PAPSS1: variants seen among roughly 807,000 people sequenced by gnomAD.
PAPSS1 encodes the protein bifunctional 3'-phosphoadenosine 5'-phosphosulfate synthase 1.
A neutral mutation model predicts 72.0 loss-of-function variants in PAPSS1; 50 were observed. That is an observed-to-expected ratio of 0.69 (90% CI 0.55 to 0.88). The LOEUF is 0.88. Among genes scored for constraint, PAPSS1 ranks in the 40% least tolerant of loss-of-function variants. The probability of loss-of-function intolerance (pLI) is 0.00; values close to 1 mark genes in which losing one functional copy is unlikely to be tolerated. For missense variants in PAPSS1, 657 were observed against 782.2 expected, an observed-to-expected ratio of 0.84 and a Z score of 1.91; for synonymous variants, 261 against 263.6, an observed-to-expected ratio of 0.99 and a Z score of 0.09.
At chr4:107,691,734 C>T (rs993928643) in intron 3 of PAPSS1, among the ~76,000 whole-genome samples, 5 of 152,038 alleles carry the variant, frequency 3.3e-5, no homozygotes, top group Admixed American at 6.6e-5. Context: ...TCCTTGTGTC[C>T]CCACTAGGAG....
intron 5 of PAPSS1, among the ~76,000 whole-genome samples, chr4:107,676,228 A>G (rs1727645935): frequency 6.6e-6 from 1 of 152,142 alleles, no homozygotes; most frequent in South Asian, 2.1e-4. Context: ...CAATTAGGAA[A>G]AGAGGAAGTC....
intron 9 of PAPSS1, among the ~76,000 whole-genome samples, chr4:107,651,947 A>T (rs1013736849): frequency 3.3e-5 from 5 of 152,188 alleles, no homozygotes; most frequent in Admixed American, 6.5e-5. Context: ...CCCCACAAAC[A>T]CAACTGCTAG....
chr4:107,708,778 G>C (rs1723410667), intron 1 of PAPSS1, among the ~76,000 whole-genome samples: 1 of 152,124 alleles, frequency 6.6e-6, no homozygotes, highest in Non-Finnish European at 1.5e-5. Flanking sequence ...ATGTATGTTT[G>C]ATATTGTTAA....
intron 3 of PAPSS1, among the ~76,000 whole-genome samples, chr4:107,688,893 G>A (rs1028567265): frequency 6.6e-6 from 1 of 152,106 alleles, no homozygotes; most frequent in Non-Finnish European, 1.5e-5. Flanking sequence ...TTTCTCTCAA[G>A]TTTACATTCT....
chr4:107,674,857 C>T (rs1176603397), intron 5 of PAPSS1, among the ~76,000 whole-genome samples: 1 of 152,088 alleles, frequency 6.6e-6, no homozygotes, highest in Non-Finnish European at 1.5e-5. Flanking sequence ...TGCAATCAAA[C>T]TAGAACTCAG....
intron 11 of PAPSS1, among the ~76,000 whole-genome samples, chr4:107,618,318 A>G (rs1051993162): frequency 6.6e-6 from 1 of 152,154 alleles, no homozygotes; most frequent in Non-Finnish European, 1.5e-5. Context: ...ATAGATGATA[A>G]AAGAAAGAGA....
At chr4:107,640,622 C>T (rs147031872) in intron 10 of PAPSS1, among the ~76,000 whole-genome samples, 35 of 152,198 alleles carry the variant, frequency 2.3e-4, no homozygotes, top group Non-Finnish European at 1.3e-4. Flanking sequence ...AAGTCAAACA[C>T]ACAAGTTAGG....
intron 2 of PAPSS1, among the ~76,000 whole-genome samples, chr4:107,696,342 G>A (rs1723063075): frequency 6.6e-6 from 1 of 152,140 alleles, no homozygotes; most frequent in South Asian, 2.1e-4. Context: ...ATCAATGATA[G>A]CCTGGATAAA....
chr4:107,633,531 G>GT (rs1726275759), intron 10 of PAPSS1, among the ~76,000 whole-genome samples: 1 of 152,016 alleles, frequency 6.6e-6, no homozygotes. Context: ...AACTGTGTGT[G>GT]TATGTGTGTA....
intron 11 of PAPSS1, among the ~76,000 whole-genome samples, chr4:107,622,399 A>C (rs1725988478): frequency 6.6e-6 from 1 of 152,260 alleles, no homozygotes; most frequent in Non-Finnish European, 1.5e-5. Context: ...CAAAAATACC[A>C]TAATAACATC....
At chr4:107,719,254 A>C (rs2125946269) in intron 1 of PAPSS1, among the ~76,000 whole-genome samples, 1 of 147,838 alleles carries the variant, frequency 6.8e-6, no homozygotes, top group South Asian at 2.2e-4. Context: ...AAACCTTATT[A>C]TTCCATTGGA....
chr4:107,683,798 ACACAAT>A (rs1722697689), intron 4 of PAPSS1, among the ~76,000 whole-genome samples: 1 of 152,188 alleles, frequency 6.6e-6, no homozygotes, highest in Admixed American at 6.5e-5. Flanking sequence ...CCCTGAATAT[ACACAAT>A]CTTGTCTGTG....
intron 9 of PAPSS1, among the ~76,000 whole-genome samples, chr4:107,650,484 AC>A (rs1455081620): frequency 6.6e-6 from 1 of 152,232 alleles, no homozygotes; most frequent in Non-Finnish European, 1.5e-5. Flanking sequence ...GACCCTTTCA[AC>A]AGTGCCAACA....
In PAPSS1 at chr4:107,653,523, T is replaced by C; in HGVS notation, c.1205A>G (p.Glu402Gly). 6.2e-7 allele frequency: 1 copy of C among 1,612,276 alleles called. No individual in the cohort carries two copies. Among genetic ancestry groups the C allele is most frequent in the South Asian group, 1.1e-5 (1 of 90,650 alleles). Reference protein sequence around the residue: ...GLDQYRLTPTELKQKFKDMNA... With the variant: ...GLDQYRLTPTGLKQKFKDMNA... The stretch of plus-strand genomic sequence containing the variant: ...CATATCTTTAAATTTCTGCTTTAGC[T>C]CAGTAGGAGTAAGACGATACTGATC... The change falls in exon 9 of 12, where the codon GAG becomes GGG. Residue 402 changes from glutamate (E) to glycine (G), a missense_variant. By Grantham distance (98) the Glu-to-Gly change is moderately conservative. Around this residue, in one of 7 missense-constraint regions of PAPSS1, gnomAD observed 166 missense variants for 228.3 expected, o/e 0.73. Transcript: ENST00000265174.
At chr4:107,636,569 G>GTAACACTCTGGAGTGTAAGGCAGGGCT (rs1009744021) in intron 10 of PAPSS1, among the ~76,000 whole-genome samples, 68 of 152,242 alleles carry the variant, frequency 4.5e-4, no homozygotes, top group African/African-American at 1.4e-3. Context: ...ATCAAAGGGG[G>GTAACACTCTGGAGTGTAAGGCAGGGCT]TAACACTCTG....
Position 107,704,807 on chromosome 4 carries a change from C to T in PAPSS1, c.61-3522G>A, listed in dbSNP as rs185323764. Reference sequence around the variant, plus strand: ...CTCTACTAAAAATACAAAAATTAGCCGGGAATGGTGGCATGCACCTGTAGT... The same window carrying T: ...CTCTACTAAAAATACAAAAATTAGCTGGGAATGGTGGCATGCACCTGTAGT... On this transcript the variant is annotated intron_variant, in intron 1 of 11. Transcript: ENST00000265174. Among the ~76,000 whole-genome samples, 147 of 152,098 alleles carry T rather than the reference C, an allele frequency of 9.7e-4. 1 individual carries two copies. Among genetic ancestry groups the T allele is most frequent in the African/African-American group, 3.4e-3 (139 of 41,492 alleles).
At chr4:107,649,289 T>C (rs1371311470) in intron 9 of PAPSS1, among the ~76,000 whole-genome samples, 6 of 152,264 alleles carry the variant, frequency 3.9e-5, no homozygotes, top group Non-Finnish European at 8.8e-5. Context: ...TGATTCTGGC[T>C]GTGCCAGTGA....
At chr4:107,634,176 C>T (rs1010675570) in intron 10 of PAPSS1, among the ~76,000 whole-genome samples, 7 of 151,948 alleles carry the variant, frequency 4.6e-5, no homozygotes, top group Admixed American at 1.3e-4. Context: ...CGCCACCATG[C>T]CTGGCTATTT....
At chr4:107,678,788 C>T (rs1727728425) in intron 5 of PAPSS1, among the ~76,000 whole-genome samples, 1 of 151,958 alleles carries the variant, frequency 6.6e-6, no homozygotes, top group Non-Finnish European at 1.5e-5. Context: ...CAGTGGGGCA[C>T]AGGCAAAAAA....
Sources: allele counts gnomAD v4.1 joint callset (sites outside exome capture counted in the v4.1 genomes callset), GRCh38; gene constraint gnomAD v4.1.1; regional missense constraint gnomAD v4.1.1; transcripts MANE v1.5; gene names NCBI Gene and HGNC (gene_info 2026-07-23, HGNC 2026-07-21).